The following ITGA4 variants were observed in gnomAD, a reference collection of about 807,000 sequenced individuals.
ITGA4 encodes the protein integrin alpha-4.
Under a neutral mutation model 133.6 loss-of-function variants are expected in ITGA4, and 63 were observed. The observed-to-expected ratio is 0.47, with a 90% CI of 0.38 to 0.58. The LOEUF is 0.58. Ranked by LOEUF, ITGA4 falls within the 20% of genes least tolerant of loss-of-function variation. ITGA4 has a pLI of 0.00. For missense variants in ITGA4, 1,076 were observed against 1,252.7 expected (o/e 0.86, Z 2.13); for synonymous variants, 483 against 438.0 (o/e 1.10, Z -1.28).
intron 2 of ITGA4, among the ~76,000 whole-genome samples, chr2:181,473,876 A>G (rs1685612731): frequency 6.6e-6 from 1 of 152,206 alleles, no homozygotes; most frequent in African/African-American, 2.4e-5. Flanking sequence ...TTAGGGGTCA[A>G]CATTATAGGA....
intron 17 of ITGA4, among the ~76,000 whole-genome samples, chr2:181,515,979 G>A (rs1285826558): frequency 7.2e-6 from 1 of 139,340 alleles, no homozygotes; most frequent in Non-Finnish European, 1.6e-5. Flanking sequence ...TCAACAGTAC[G>A]CTAAACAGTG....
At chr2:181,522,707 G>A (rs929381604) in intron 18 of ITGA4, among the ~76,000 whole-genome samples, 11 of 152,098 alleles carry the variant, frequency 7.2e-5, no homozygotes, top group African/African-American at 2.7e-4. Flanking sequence ...TTATTTTAAG[G>A]TGACACTCAG....
intron 4 of ITGA4, among the ~76,000 whole-genome samples, chr2:181,478,127 A>T (rs867077752): frequency 3.3e-5 from 5 of 152,154 alleles, no homozygotes; most frequent in South Asian, 4.1e-4. Context: ...AGGCCCAGAA[A>T]GACAAATACT....
At chr2:181,489,600 CTAT>C (rs1685998839) in intron 10 of ITGA4, among the ~76,000 whole-genome samples, 1 of 152,090 alleles carries the variant, frequency 6.6e-6, no homozygotes, top group Admixed American at 6.5e-5. Context: ...ACAAGCTGTA[CTAT>C]TATTTTGTGT....
chr2:181,512,576 A>T (rs905445718), intron 17 of ITGA4, among the ~76,000 whole-genome samples: 1 of 152,102 alleles, frequency 6.6e-6, no homozygotes, highest in African/African-American at 2.4e-5. Flanking sequence ...TAGGAGACTG[A>T]GAAGGCATCT....
intron 9 of ITGA4, 89 bp downstream of exon 9, chr2:181,482,740 C>T: frequency 7.8e-7 from 1 of 1,284,690 alleles, no homozygotes; most frequent in Non-Finnish European, 1.1e-6. Flanking sequence ...AGATTGTTTT[C>T]AGGTTTCTTT....
At chr2:181,498,871 G>T in intron 15 of ITGA4, 94 bp downstream of exon 15, 6 of 1,441,838 alleles carry the variant, frequency 4.2e-6, no homozygotes, top group Non-Finnish European at 2.7e-6. Context: ...ATAAAATGTA[G>T]ATAAAAGCAA....
At position 181,477,380 on chromosome 2, in the gene ITGA4, A is replaced by G. The variant is rs79404211; in HGVS notation, c.557-1377A>G. On this transcript the variant is annotated intron_variant, in intron 4 of 27. Coordinates refer to ENST00000397033, the MANE Select transcript of ITGA4 (RefSeq NM_000885.6). ...ATAAACAAATGAGACTATATTAGAAAGCTCCTGCATAGCAAGGGAGATAAT... is the reference window on the plus strand; with the variant it reads ...ATAAACAAATGAGACTATATTAGAAGGCTCCTGCATAGCAAGGGAGATAAT... Among the ~76,000 whole-genome samples, 298 of 152,244 alleles carry G rather than the reference A, an allele frequency of 2.0e-3. 9 individuals are homozygous for G. The East Asian group carries it at 0.043, about 22-fold the overall frequency.
chr2:181,525,141 A>T, intron 20 of ITGA4, 61 bp from the exon 21 acceptor site: 1 of 914,050 alleles, frequency 1.1e-6, no homozygotes, highest in Non-Finnish European at 1.8e-6. Flanking sequence ...GTATGTAATT[A>T]GTTCTCTCTG....
chr2:181,529,891 C>A (rs949681473), intron 23 of ITGA4, among the ~76,000 whole-genome samples: 24 of 152,168 alleles, frequency 1.6e-4, no homozygotes, highest in African/African-American at 5.3e-4. Context: ...GAACTATATT[C>A]TACCATCTCC....
chr2:181,490,645 C>A (rs1686033099), intron 10 of ITGA4, among the ~76,000 whole-genome samples: 1 of 152,044 alleles, frequency 6.6e-6, no homozygotes, highest in Non-Finnish European at 1.5e-5. Context: ...AGCACAGGAT[C>A]TGGACCAGGC....
At chr2:181,503,760 C>T (rs960532122) in intron 15 of ITGA4, among the ~76,000 whole-genome samples, 4 of 151,830 alleles carry the variant, frequency 2.6e-5, no homozygotes, top group Non-Finnish European at 5.9e-5. Flanking sequence ...CTATTGAAAT[C>T]GTCTTCTATT....
rs1395645640 is a variant in ITGA4, at chr2:181,457,714, G to T, written c.60G>T (p.Val20=). 1 of 1,612,464 alleles carries T rather than the reference G, an allele frequency of 6.2e-7. No homozygotes were observed. The highest frequency in any genetic ancestry group is 8.5e-7 in the Non-Finnish European group (1 of 1,179,740). The change falls in exon 1 of 28, where the codon GTG becomes GTT. Residue 20 remains valine (V), a synonymous_variant. Transcript: ENST00000397033. ...GAAGGGCCGCCGTCCGGGAGACGGT[G>T]ATGCTGTTGCTGTGCCTGGGGGTCC... is the stretch of plus-strand genomic sequence containing the variant. The part of the protein sequence containing the change: ...GPRRAAVRET[V]MLLLCLGVPT...
chr2:181,511,809 A>C (rs1300907047), intron 17 of ITGA4, 34 bp downstream of exon 17: 2 of 1,016,002 alleles, frequency 2.0e-6, no homozygotes, highest in Non-Finnish European at 3.1e-6. Context: ...TCTGTTATTC[A>C]TCGAGAGGGT....
In ITGA4 at chr2:181,481,703, A is replaced by G. The variant is rs966085221; in HGVS notation, c.840+20A>G. The G allele has an allele frequency of 1.5e-6, 2 of 1,307,144 alleles. No individual in the cohort carries two copies. Among genetic ancestry groups the G allele is most frequent in the Non-Finnish European group, 2.2e-6 (2 of 914,816 alleles). 81.0% of individuals were successfully genotyped at this position (1,307,144 alleles called of 1,614,324 possible). On this transcript the variant is annotated intron_variant, in intron 7 of 27. Coordinates refer to ENST00000397033, the MANE Select transcript of ITGA4 (RefSeq NM_000885.6). ...GGTAAGGTAAGAATTACATTTTTATATTTATTTCTTCACAAAGGTTCAAAT... is the reference window on the plus strand; with the variant it reads ...GGTAAGGTAAGAATTACATTTTTATGTTTATTTCTTCACAAAGGTTCAAAT...
chr2:181,505,065 T>C (rs1212901373), intron 15 of ITGA4, among the ~76,000 whole-genome samples: 1 of 151,984 alleles, frequency 6.6e-6, no homozygotes, highest in Non-Finnish European at 1.5e-5. Context: ...AATCTTCCTA[T>C]GTAAGAGCCT....
intron 10 of ITGA4, among the ~76,000 whole-genome samples, chr2:181,490,319 A>G (rs1042660598): frequency 1.3e-5 from 2 of 152,164 alleles, no homozygotes; most frequent in African/African-American, 4.8e-5. Context: ...TTATACATCC[A>G]TGTGAACACA....
intron 4 of ITGA4, chr2:181,475,951 A>T: frequency 1.5e-6 from 2 of 1,375,264 alleles, no homozygotes. Flanking sequence ...GCTAAGAAAC[A>T]TATGAATGCA....
chr2:181,464,240 A>G (rs1287950328), intron 2 of ITGA4, among the ~76,000 whole-genome samples: 1 of 152,160 alleles, frequency 6.6e-6, no homozygotes, highest in Non-Finnish European at 1.5e-5. Context: ...AGGGTGGTAA[A>G]TTATGAGGTC....
Sources: allele counts gnomAD v4.1 joint callset (sites outside exome capture counted in the v4.1 genomes callset), GRCh38; gene constraint gnomAD v4.1.1; transcripts MANE v1.5; gene names NCBI Gene and HGNC (gene_info 2026-07-23, HGNC 2026-07-21).